The following CFAP46 variants were observed in gnomAD, a reference collection of about 807,000 sequenced individuals.
CFAP46 encodes cilia and flagella associated protein 46, also known as cilia- and flagella-associated protein 46.
CFAP46 carries 245 observed loss-of-function variants against 325.7 expected under a neutral mutation model. The ratio of observed to expected loss-of-function variants is 0.75; its 90% CI spans 0.68 to 0.84. The LOEUF (loss-of-function observed/expected upper bound fraction) is 0.84, where lower values mean the gene tolerates loss of function less well. Among genes scored for constraint, CFAP46 ranks in the 40% least tolerant of loss-of-function variants. The probability of loss-of-function intolerance (pLI) is 0.00; values close to 1 mark genes in which losing one functional copy is unlikely to be tolerated. For missense variants in CFAP46, 3,346 were observed against 3,543.0 expected, an observed-to-expected ratio of 0.94 and a Z score of 1.41; for synonymous variants, 1,523 against 1,495.9, an observed-to-expected ratio of 1.02 and a Z score of -0.42.
At chr10:132,927,545 C>T (rs889754589) in intron 9 of CFAP46, among the ~76,000 whole-genome samples, 4 of 152,230 alleles carry the variant, frequency 2.6e-5, no homozygotes, top group Admixed American at 6.5e-5. Context: ...GGCCACCACC[C>T]CAGGCTGTGT....
At chr10:132,866,270 G>T (rs1032805109) in intron 34 of CFAP46, 99 bp from the exon 35 acceptor site, 1 of 1,276,340 alleles carries the variant, frequency 7.8e-7, no homozygotes, top group Non-Finnish European at 1.0e-6. Flanking sequence ...GTACCACACA[G>T]GGAGCCACAC....
At chr10:132,820,841 T>G (rs992238635) in intron 50 of CFAP46, among the ~76,000 whole-genome samples, 2 of 144,442 alleles carry the variant, frequency 1.4e-5, no homozygotes, top group African/African-American at 2.6e-5. Flanking sequence ...TGCTGATGTG[T>G]GCTGTGTGTG....
At chr10:132,894,081 C>T (rs760388905) in intron 24 of CFAP46, among the ~76,000 whole-genome samples, 1 of 151,418 alleles carries the variant, frequency 6.6e-6, no homozygotes, top group Admixed American at 6.6e-5. Flanking sequence ...GCTGGTAACA[C>T]GCTTTGAGGT....
At position 132,889,965 on chromosome 10, in the gene CFAP46, A is replaced by G. The variant is rs1235593470; in HGVS notation, c.3304+2368T>C. ...TGTTCTGCACTTATCAGGATTCAGGAGCGTACATTTTCGTATCTGTGAAAA... is the reference window on the plus strand; with the variant it reads ...TGTTCTGCACTTATCAGGATTCAGGGGCGTACATTTTCGTATCTGTGAAAA... On this transcript the variant is annotated intron_variant, in intron 25 of 57. Transcript: ENST00000368586. The surrounding 1 kb of genome is among the most constrained non-coding windows in gnomAD (Gnocchi z 6.0). Among the ~76,000 whole-genome samples the G allele has an allele frequency of 6.6e-6, 1 of 152,216 alleles. No homozygotes were observed. Among genetic ancestry groups the G allele is most frequent in the Non-Finnish European group, 1.5e-5 (1 of 68,032 alleles).
At chr10:132,833,274 G>C (rs979867539) in intron 50 of CFAP46, 84 bp downstream of exon 50, 1 of 1,281,314 alleles carries the variant, frequency 7.8e-7, no homozygotes, top group African/African-American at 1.5e-5. Context: ...TTCTTGATAG[G>C]AGCTAACATT....
intron 50 of CFAP46, among the ~76,000 whole-genome samples, chr10:132,821,130 CTGA>C (rs199610657): frequency 0.01 from 1,164 of 111,522 alleles, 21 homozygotes; most frequent in South Asian, 0.03. Context: ...TGTGTGTGTG[CTGA>C]TGTGTGCTGT....
intron 7 of CFAP46, among the ~76,000 whole-genome samples, chr10:132,936,536 A>C (rs1404433628): frequency 2.3e-4 from 20 of 86,196 alleles, no homozygotes; most frequent in South Asian, 7.4e-4. Context: ...TGATCTCCTC[A>C]CTCCCCTCAG....
chr10:132,880,268 C>T (rs1476886050), intron 28 of CFAP46, among the ~76,000 whole-genome samples: 1 of 152,240 alleles, frequency 6.6e-6, no homozygotes, highest in Non-Finnish European at 1.5e-5. Context: ...TGGGCTGATG[C>T]CCAGGCACTG....
At chr10:132,855,513 A>C (rs1473975639) in intron 39 of CFAP46, among the ~76,000 whole-genome samples, 1 of 152,208 alleles carries the variant, frequency 6.6e-6, no homozygotes, top group Non-Finnish European at 1.5e-5. Context: ...CTGATTATTT[A>C]AATTTCATGT....
rs190287668 is a variant in CFAP46 at position 132,812,829 on chromosome 10, A to G, written c.7457T>C (p.Leu2486Pro). The G allele has an allele frequency of 4.8e-5, 78 of 1,612,420 alleles. No individual in the cohort carries two copies. The East Asian group carries it at 1.1e-3, about 22-fold the overall frequency. ...CAATCTCTCCACTAATATATGGGAC[A>G]GGAAGCTCTCCATTCCATAGAAGAA... is the stretch of plus-strand genomic sequence containing the variant. Reference protein sequence around the residue: ...GFFFYGMESFLSHILVERLVA... With the variant: ...GFFFYGMESFPSHILVERLVA... The change falls in exon 55 of 58, where the codon CTG becomes CCG. Residue 2486 changes from leucine (L) to proline (P), a missense_variant. By Grantham distance (98) the Leu-to-Pro change is moderately conservative (BLOSUM62 -3). Coordinates refer to ENST00000368586, the MANE Select transcript of CFAP46 (RefSeq NM_001200049.3).
chr10:132,904,472 G>A (rs757223280), intron 22 of CFAP46, among the ~76,000 whole-genome samples: 20 of 152,258 alleles, frequency 1.3e-4, no homozygotes, highest in Non-Finnish European at 2.2e-4. Flanking sequence ...AAGTCTTAAC[G>A]TGGAAATCCA....
At position 132,885,109 on chromosome 10, in the gene CFAP46, G is replaced by C. The variant is rs1469866295; in HGVS notation, c.3621C>G (p.Ala1207=). The change falls in exon 27 of 58, where the codon GCC becomes GCG. Residue 1207 remains alanine, a synonymous_variant. Coordinates refer to ENST00000368586, the MANE Select transcript of CFAP46 (RefSeq NM_001200049.3). Reference sequence around the variant, plus strand: ...CACGCTTACGGCTTCACACCTGCAAGGCCTGGATGGCGTTGTTGTAGCAGG... The same window carrying C: ...CACGCTTACGGCTTCACACCTGCAACGCCTGGATGGCGTTGTTGTAGCAGG... The part of the protein sequence containing the change: ...ELACYNNAIQ[A]LQKPEMEWQK... 6.5e-7 allele frequency: 1 copy of C among 1,546,204 alleles called. No homozygotes were observed. The highest frequency in any genetic ancestry group is 8.7e-7 in the Non-Finnish European group (1 of 1,144,672).
Position 132,825,122 on chromosome 10 carries a change from ACT to A in CFAP46, c.7117+8234_7117+8235del, listed in dbSNP as rs551963538. Among the ~76,000 whole-genome samples the A allele has an allele frequency of 2.2e-3, 217 of 99,586 alleles. 3 individuals carry two copies. The highest frequency in any genetic ancestry group is 6.3e-3 in the African/African-American group (151 of 23,802). 65.3% of individuals were successfully genotyped at this position (99,586 alleles called of 152,430 possible). On this transcript the variant is annotated intron_variant, in intron 50 of 57. Coordinates refer to ENST00000368586, the MANE Select transcript of CFAP46 (RefSeq NM_001200049.3). ...AGTGCTGATGTGTGCTGATGTGTGCACTGTGTGCTGTGTGTGTGGTGATGTGT... is the reference window on the plus strand; with the variant it reads ...AGTGCTGATGTGTGCTGATGTGTGCAGTGTGCTGTGTGTGTGGTGATGTGT...
intron 50 of CFAP46, among the ~76,000 whole-genome samples, chr10:132,824,157 T>C (rs1591036655): frequency 7.6e-6 from 1 of 131,038 alleles, no homozygotes; most frequent in Non-Finnish European, 1.6e-5. Flanking sequence ...GTGCTGTGTG[T>C]GTGCTGTGTG....
At chr10:132,818,272 C>T (rs1847732502) in intron 50 of CFAP46, among the ~76,000 whole-genome samples, 2 of 151,638 alleles carry the variant, frequency 1.3e-5, no homozygotes, top group Non-Finnish European at 1.5e-5. Context: ...TAGAAAAAAC[C>T]TTAAACTCCA....
rs1848755572 is a variant in CFAP46 at position 132,863,632 on chromosome 10, C to T, written c.4890+2393G>A. ...GTCCCTGCTATCAGAGACGTGCATA[C>T]ACTTGTCCCTCTTCCTGAGACGTGC... is the stretch of plus-strand genomic sequence containing the variant. On this transcript the variant is annotated intron_variant, in intron 35 of 57. Transcript: ENST00000368586. 2.6e-5 allele frequency among the ~76,000 whole-genome samples: 4 copies of T among 151,334 alleles called. No individual in the cohort carries two copies. In the South Asian group the frequency reaches 8.4e-4, roughly 32 times the overall value.
chr10:132,821,946 TGC>T (rs1565035749), intron 50 of CFAP46, among the ~76,000 whole-genome samples: 2 of 130,868 alleles, frequency 1.5e-5, no homozygotes, highest in Non-Finnish European at 1.6e-5. Flanking sequence ...GTGCTGTGTG[TGC>T]GCTTGTGTGT....
intron 27 of CFAP46, among the ~76,000 whole-genome samples, chr10:132,882,613 G>A (rs1849064697): frequency 6.6e-6 from 1 of 151,938 alleles, no homozygotes; most frequent in Non-Finnish European, 1.5e-5. Context: ...GGGGGGTCTG[G>A]GCTAGAGAAT....
intron 17 of CFAP46, among the ~76,000 whole-genome samples, chr10:132,914,026 CGCCCCGAGGCTGTGTCCA>C (rs1849600844): frequency 6.6e-6 from 1 of 151,510 alleles, no homozygotes; most frequent in African/African-American, 2.4e-5. Context: ...CTCTGGCCCC[CGCCCCGAGGCTGTGTCCA>C]GCCACACTGC....
Sources: gnomAD v4.1 joint callset for allele counts (sites outside exome capture counted in the v4.1 genomes callset) on GRCh38, gnomAD v4.1.1 for gene constraint, Gnocchi (gnomAD v3.1) non-coding constraint, MANE v1.5 for transcripts, NCBI Gene and HGNC (gene_info 2026-07-23, HGNC 2026-07-21) for gene names.